SLC25A48: variants seen among roughly 807,000 people sequenced by gnomAD.
SLC25A48 encodes CTC-321K16.1.
Under a neutral mutation model 32.2 loss-of-function variants are expected in SLC25A48, and 29 were observed. That is an observed-to-expected ratio of 0.90 (90% CI 0.67 to 1.23). The LOEUF (loss-of-function observed/expected upper bound fraction) is 1.23. SLC25A48 is among the 50% of genes most tolerant of loss of function. The pLI is 0.00. For missense variants in SLC25A48, 399 were observed against 422.7 expected (o/e 0.94, Z 0.49); for synonymous variants, 164 against 172.3 (o/e 0.95, Z 0.38).
chr5:135,703,006 C>T (rs1187115102), intron 3 of SLC25A48, among the ~76,000 whole-genome samples: 2 of 152,104 alleles, frequency 1.3e-5, no homozygotes, highest in African/African-American at 2.4e-5. Flanking sequence ...CCTTTGCACT[C>T]TCATCAGCGC....
intron 1 of SLC25A48, among the ~76,000 whole-genome samples, chr5:135,603,784 G>A (rs1751861198): frequency 6.6e-6 from 1 of 152,214 alleles, no homozygotes; most frequent in African/African-American, 2.4e-5. Context: ...GTTCTCTGGA[G>A]TGCTAGAAGA....
intron 3 of SLC25A48, among the ~76,000 whole-genome samples, chr5:135,788,898 A>AC (rs1314490594): frequency 7.0e-6 from 1 of 143,856 alleles, no homozygotes; most frequent in Non-Finnish European, 1.5e-5. Context: ...GGGGGTGTAC[A>AC]CCCCCACGCC....
intron 3 of SLC25A48, among the ~76,000 whole-genome samples, chr5:135,723,121 C>G (rs1755000170): frequency 6.6e-6 from 1 of 152,202 alleles, no homozygotes; most frequent in African/African-American, 2.4e-5. Flanking sequence ...TCAAAGCTTC[C>G]TGACACAAGA....
intron 3 of SLC25A48, among the ~76,000 whole-genome samples, chr5:135,768,568 T>C (rs1336031420): frequency 2.0e-5 from 3 of 151,534 alleles, no homozygotes; most frequent in Non-Finnish European, 2.9e-5. Flanking sequence ...CTCTGTGACA[T>C]AGTTCATAAT....
intron 1 of SLC25A48, among the ~76,000 whole-genome samples, chr5:135,597,080 C>A (rs1164138886): frequency 6.6e-6 from 1 of 152,184 alleles, no homozygotes; most frequent in African/African-American, 2.4e-5. Flanking sequence ...GGGCTCTTAA[C>A]CCCAGACAGA....
chr5:135,859,213 C>T (rs1232554262), intron 4 of SLC25A48, among the ~76,000 whole-genome samples: 3 of 152,128 alleles, frequency 2.0e-5, no homozygotes, highest in Non-Finnish European at 4.4e-5. Context: ...TTAATTGACT[C>T]ACAGTTCCAC....
chr5:135,715,208 T>A (rs1366902312), intron 3 of SLC25A48, among the ~76,000 whole-genome samples: 1 of 152,146 alleles, frequency 6.6e-6, no homozygotes, highest in Non-Finnish European at 1.5e-5. Context: ...TGGATAGAAT[T>A]TGGCTGCTGA....
At chr5:135,840,015 G>A (rs1211836913) in intron 1 of SLC25A48, among the ~76,000 whole-genome samples, 2 of 152,184 alleles carry the variant, frequency 1.3e-5, no homozygotes, top group African/African-American at 2.4e-5. Context: ...GTCTTTGATA[G>A]CAGCATGAGA....
At chr5:135,768,727 T>C (rs1756314868) in intron 3 of SLC25A48, among the ~76,000 whole-genome samples, 1 of 151,774 alleles carries the variant, frequency 6.6e-6, no homozygotes, top group Non-Finnish European at 1.5e-5. Flanking sequence ...TTTTTCATAA[T>C]ATCCAGGGAG....
chr5:135,626,761 T>C (rs1752449157), intron 1 of SLC25A48, among the ~76,000 whole-genome samples: 1 of 152,104 alleles, frequency 6.6e-6, no homozygotes, highest in Non-Finnish European at 1.5e-5. Context: ...TATGGGCCCA[T>C]TGGAATGTAG....
At chr5:135,581,331 C>G (rs1751229436) in intron 1 of SLC25A48, among the ~76,000 whole-genome samples, 2 of 152,176 alleles carry the variant, frequency 1.3e-5, no homozygotes, top group Non-Finnish European at 2.9e-5. Flanking sequence ...ATTCTTGTAG[C>G]TCCATTTTGG....
chr5:135,886,625 ATATATATAT>A (rs1561567697), intron 7 of SLC25A48, among the ~76,000 whole-genome samples: 411 of 25,980 alleles, frequency 0.016, 34 homozygotes, highest in East Asian at 0.053. Flanking sequence ...ATATATATAT[ATATATATAT>A]ATAAAATATA....
intron 3 of SLC25A48, chr5:135,653,727 T>C (rs1753172696): frequency 2.3e-6 from 1 of 443,106 alleles, no homozygotes; most frequent in Non-Finnish European, 4.5e-6. Flanking sequence ...TAAGCTTCCT[T>C]TGGAAGATAA....
At chr5:135,708,656 G>T (rs1286641685) in intron 3 of SLC25A48, among the ~76,000 whole-genome samples, 1 of 152,208 alleles carries the variant, frequency 6.6e-6, no homozygotes, top group Non-Finnish European at 1.5e-5. Context: ...CTACAACATT[G>T]CTGCTGTGGT....
At chr5:135,681,530 G>A (rs558140447) in intron 3 of SLC25A48, among the ~76,000 whole-genome samples, 1 of 152,182 alleles carries the variant, frequency 6.6e-6, no homozygotes, top group African/African-American at 2.4e-5. Context: ...TCTATCATCT[G>A]TATTATTTCT....
intron 3 of SLC25A48, among the ~76,000 whole-genome samples, chr5:135,670,379 A>T (rs772255594): frequency 6.6e-6 from 1 of 152,150 alleles, no homozygotes. Flanking sequence ...GCTGCAGGCT[A>T]GAGGCCTCCC....
chr5:135,589,944 C>T (rs1213187991), intron 1 of SLC25A48, among the ~76,000 whole-genome samples: 2 of 152,212 alleles, frequency 1.3e-5, no homozygotes, highest in African/African-American at 4.8e-5. Flanking sequence ...GATCCACCCA[C>T]CTCAGCCTCC....
chr5:135,885,401 A>G (rs6596272), intron 7 of SLC25A48, among the ~76,000 whole-genome samples: 1 of 152,076 alleles, frequency 6.6e-6, no homozygotes, highest in African/African-American at 2.4e-5. Context: ...TTTAACCTAC[A>G]GGACACTCTT....
chr5:135,836,130 G>A (rs569666883), intron 1 of SLC25A48, among the ~76,000 whole-genome samples: 1 of 152,310 alleles, frequency 6.6e-6, no homozygotes, highest in East Asian at 1.9e-4. Flanking sequence ...ACCTTCGGTA[G>A]GGATGCAAAT....
Sources: gnomAD v4.1 joint callset for allele counts (sites outside exome capture counted in the v4.1 genomes callset) on GRCh38, gnomAD v4.1.1 for gene constraint, MANE v1.5 for transcripts, NCBI Gene and HGNC (gene_info 2026-07-23, HGNC 2026-07-21) for gene names.